The following HGFAC variants were observed in gnomAD, a reference collection of about 807,000 sequenced individuals.
HGFAC encodes HGF activator.
Under a neutral mutation model 70.6 loss-of-function variants are expected in HGFAC, and 76 were observed. The observed-to-expected ratio is 1.08, with a 90% CI of 0.89 to 1.30. The LOEUF is 1.30. Ranked by LOEUF, HGFAC falls within the 50% of genes most tolerant of loss-of-function variation. The pLI, the probability that HGFAC is intolerant of heterozygous loss-of-function variation, is 0.00. For missense variants in HGFAC, 1,044 were observed against 933.7 expected (o/e 1.12, Z -1.54); for synonymous variants, 464 against 405.3 (o/e 1.14, Z -1.74).
At chr4:3,442,210 C>A in intron 1 of HGFAC, 92 bp downstream of exon 1, 1 of 955,184 alleles carries the variant, frequency 1.0e-6, no homozygotes, top group Non-Finnish European at 1.5e-6. Context: ...CGCCACAGAG[C>A]GTGGGGATTT....
At position 3,446,238 on chromosome 4, in the gene HGFAC, C is replaced by T. The variant is rs185455355; in HGVS notation, c.1299C>T (p.Ala433=). Residue 433 remains alanine (A), a synonymous_variant, in exon 10 of 14, where the codon GCC becomes GCT. Coordinates refer to ENST00000382774, the MANE Select transcript of HGFAC (RefSeq NM_001528.4). ...AAIYIGDSFC[A]GSLVHTCWVV... ...TCTACATCGGGGACAGCTTCTGCGC[C>T]GGGAGCCTGGTCCACACCTGCTGGG... 21 of 1,610,734 alleles carry T rather than the reference C, an allele frequency of 1.3e-5. No homozygotes were observed. The East Asian group carries it at 1.8e-4, about 14-fold the overall frequency.
chr4:3,443,062 A>T lies in HGFAC; in HGVS notation c.311A>T (p.Asp104Val). The T allele has an allele frequency of 6.3e-7, 1 of 1,598,988 alleles. No homozygotes were observed. The highest frequency in any genetic ancestry group is 8.5e-7 in the Non-Finnish European group (1 of 1,178,406). The change falls in exon 3 of 14, where the codon GAC becomes GTC. Residue 104 changes from aspartate to valine, a missense_variant. Physicochemically the swap from Asp to Val is radical, Grantham distance 152. Transcript: ENST00000382774. ...SSPQAQALTE[D>V]GRPCRFPFRY... ...CCCCTCCCCACAGCACTCACCGAGG[A>T]CGGGAGGCCCTGCAGGTTCCCCTTC... is the stretch of plus-strand genomic sequence containing the variant.
rs115907907 is a variant in HGFAC at position 3,446,097 on chromosome 4, A to C, written c.1158A>C (p.Pro386=). The change falls in exon 10 of 14, where the codon CCA becomes CCC. Residue 386 remains proline (P), a synonymous_variant. Transcript: ENST00000382774. ...ATCTCCTGGCGACCCTGCCTGAGCCAGCCTCCCCGGGGCGCCAGGCCTGCG... is the reference window on the plus strand; with the variant it reads ...ATCTCCTGGCGACCCTGCCTGAGCCCGCCTCCCCGGGGCGCCAGGCCTGCG... ...SPDLLATLPE[P]ASPGRQACGR... 465 of 1,610,408 alleles carry C rather than the reference A, an allele frequency of 2.9e-4. 1 individual carries two copies. In the African/African-American group the frequency reaches 5.6e-3, roughly 19 times the overall value.
chr4:3,447,190 A>G (rs1304735223), intron 10 of HGFAC, among the ~76,000 whole-genome samples: 3 of 152,148 alleles, frequency 2.0e-5, no homozygotes, highest in African/African-American at 4.8e-5. Flanking sequence ...TCGGCCTTGC[A>G]GCCGATCCTG....
In HGFAC at chr4:3,446,086, C is replaced by T. The variant is rs371130576; in HGVS notation, c.1147C>T (p.Leu383=). 6.2e-7 allele frequency: 1 copy of T among 1,609,582 alleles called. No homozygotes were observed. Among genetic ancestry groups the T allele is most frequent in the African/African-American group, 1.3e-5 (1 of 74,810 alleles). The part of the protein sequence containing the change: ...VQLSPDLLAT[L]PEPASPGRQA... Reference sequence around the variant, plus strand: ...ACTGTCACCGGATCTCCTGGCGACCCTGCCTGAGCCAGCCTCCCCGGGGCG... The same window carrying T: ...ACTGTCACCGGATCTCCTGGCGACCTTGCCTGAGCCAGCCTCCCCGGGGCG... The change falls in exon 10 of 14, where the codon CTG becomes TTG. Residue 383 remains leucine (L), a synonymous_variant. Coordinates refer to ENST00000382774, the MANE Select transcript of HGFAC (RefSeq NM_001528.4).
chr4:3,443,073 T>C lies in HGFAC; in HGVS notation c.322T>C (p.Cys108Arg). 6.3e-7 allele frequency: 1 copy of C among 1,599,328 alleles called. No homozygotes were observed. The highest frequency in any genetic ancestry group is 1.1e-5 in the South Asian group (1 of 90,616). The stretch of plus-strand genomic sequence containing the variant: ...AGCACTCACCGAGGACGGGAGGCCC[T>C]GCAGGTTCCCCTTCCGCTACGGGGG... ...AQALTEDGRP[C>R]RFPFRYGGRM... The change falls in exon 3 of 14, where the codon TGC becomes CGC. Residue 108 changes from cysteine to arginine, a missense_variant. By Grantham distance (180) the Cys-to-Arg change is radical. Transcript: ENST00000382774.
intron 11 of HGFAC, 127 bp downstream of exon 11, chr4:3,447,758 G>A (rs1725566984): frequency 6.6e-7 from 1 of 1,521,304 alleles, no homozygotes; most frequent in Admixed American, 1.7e-5. Flanking sequence ...GGGCAGGGAG[G>A]ACAGGGCACC....
Position 3,447,533 on chromosome 4 carries a change from T to C in HGFAC, c.1397T>C (p.Phe466Ser). The change falls in exon 11 of 14, where the codon TTC becomes TCC. Residue 466 changes from phenylalanine (F) to serine (S), a missense_variant. Physicochemically the swap from Phe to Ser is radical, Grantham distance 155 (BLOSUM62 -2). Coordinates refer to ENST00000382774, the MANE Select transcript of HGFAC (RefSeq NM_001528.4). ...DSVSVVLGQH[F>S]FNRTTDVTQT... Reference sequence around the variant, plus strand: ...GTCTCCGTGGTGCTGGGCCAGCACTTCTTCAACCGCACGACGGACGTGACG... The same window carrying C: ...GTCTCCGTGGTGCTGGGCCAGCACTCCTTCAACCGCACGACGGACGTGACG... 1.2e-6 allele frequency: 2 copies of C among 1,612,628 alleles called. No individual in the cohort carries two copies. Among genetic ancestry groups the C allele is most frequent in the Non-Finnish European group, 1.7e-6 (2 of 1,179,902 alleles).
In HGFAC at chr4:3,444,029, A is replaced by G; in HGVS notation, c.476-10A>G. 6.3e-7 allele frequency: 1 copy of G among 1,576,796 alleles called. No homozygotes were observed. Among genetic ancestry groups the G allele is most frequent in the Non-Finnish European group, 8.6e-7 (1 of 1,165,732 alleles). ...GTCCGCCCCTCACACCCCCTCCCGC[A>G]TGTCCCCAGCTGCCCTGGATCCCTG... On this transcript the variant is annotated splice_polypyrimidine_tract_variant and intron_variant, in intron 4 of 13. Coordinates refer to ENST00000382774, the MANE Select transcript of HGFAC (RefSeq NM_001528.4).
At chr4:3,443,451 G>T (rs1320173964) in intron 4 of HGFAC, 31 bp downstream of exon 4, 1 of 1,380,184 alleles carries the variant, frequency 7.2e-7, no homozygotes, top group South Asian at 1.5e-5. Context: ...CCTGGGGCGG[G>T]CAGGGGGCAC....
chr4:3,442,201 G>T, intron 1 of HGFAC, 83 bp downstream of exon 1: 1 of 1,090,976 alleles, frequency 9.2e-7, no homozygotes, highest in Non-Finnish European at 1.3e-6. Context: ...AGGGAGGGTC[G>T]CCACAGAGCG....
At chr4:3,443,797 G>C (rs1220374294) in intron 4 of HGFAC, among the ~76,000 whole-genome samples, 1 of 152,090 alleles carries the variant, frequency 6.6e-6, no homozygotes, top group East Asian at 1.9e-4. Context: ...TGGGTGTCAG[G>C]CTTCCAGGAA....
In HGFAC at chr4:3,444,364, G is replaced by T. The variant is rs3748034; in HGVS notation, c.652G>T (p.Ala218Ser). ...GTACCTGGAGGGGGGCGACCGCTGG[G>T]CCCGCGTGCGCCAGGGCCACGTGGA... is the stretch of plus-strand genomic sequence containing the variant. ...YEYLEGGDRW[A>S]RVRQGHVEQC... Residue 218 changes from alanine (A) to serine (S), a missense_variant, in exon 6 of 14, where the codon GCC becomes TCC. Physicochemically the swap from Ala to Ser is moderately conservative, Grantham distance 99. Transcript: ENST00000382774. 0.14 allele frequency: 227,186 copies of T among 1,600,170 alleles called. 18,346 individuals are homozygous for T. Among genetic ancestry groups the T allele is most frequent in the East Asian group, 0.32 (14,313 of 44,226 alleles).
rs758825460 is a variant in HGFAC, at chr4:3,449,397, G to T, written c.1946G>T (p.Arg649Met). ...DWINDRIRPPRRLVAPS is the reference protein window; with the variant it reads ...DWINDRIRPPMRLVAPS ...ATCAACGACCGGATACGGCCTCCCA[G>T]GCGGCTTGTGGCTCCCTCCTGACCC... Residue 649 changes from arginine (R) to methionine (M), a missense_variant, in exon 14 of 14, where the codon AGG becomes ATG. Transcript: ENST00000382774. The T allele has an allele frequency of 6.4e-7, 1 of 1,565,206 alleles. No homozygotes were observed. The highest frequency in any genetic ancestry group is 8.7e-7 in the Non-Finnish European group (1 of 1,151,702).
chr4:3,448,397 C>A, intron 13 of HGFAC, 121 bp downstream of exon 13: 1 of 1,216,466 alleles, frequency 8.2e-7, no homozygotes, highest in Non-Finnish European at 1.1e-6. Flanking sequence ...GCAGGGCCAG[C>A]CAGGGACCCC....
intron 4 of HGFAC, among the ~76,000 whole-genome samples, chr4:3,443,723 G>A (rs1300948256): frequency 2.0e-5 from 3 of 152,138 alleles, no homozygotes; most frequent in South Asian, 2.1e-4. Flanking sequence ...TGTGGGGTGC[G>A]GTGCCAGCCG....
chr4:3,447,455 G>T (rs975239150), intron 10 of HGFAC, 37 bp from the exon 11 acceptor site: 1 of 1,609,556 alleles, frequency 6.2e-7, no homozygotes, highest in Non-Finnish European at 8.5e-7. Context: ...GGCTGGGGGA[G>T]GGCTGGTCCA....
chr4:3,442,334 G>A (rs997850980), intron 1 of HGFAC, among the ~76,000 whole-genome samples: 3 of 152,168 alleles, frequency 2.0e-5, no homozygotes, highest in African/African-American at 7.2e-5. Flanking sequence ...CCCCACCTGG[G>A]GGCTGTCATC....
chr4:3,449,401 G>A lies in HGFAC; in HGVS notation c.1950G>A (p.Arg650=), dbSNP rs752122227. The stretch of plus-strand genomic sequence containing the variant: ...ACGACCGGATACGGCCTCCCAGGCG[G>A]CTTGTGGCTCCCTCCTGACCCTCCA... ...WINDRIRPPR[R]LVAPS Residue 650 remains arginine, a synonymous_variant, in exon 14 of 14, where the codon CGG becomes CGA. Coordinates refer to ENST00000382774, the MANE Select transcript of HGFAC (RefSeq NM_001528.4). 1.3e-6 allele frequency: 2 copies of A among 1,563,072 alleles called. No homozygotes were observed. Among genetic ancestry groups the A allele is most frequent in the Non-Finnish European group, 1.7e-6 (2 of 1,150,662 alleles).
Sources: gnomAD v4.1 joint callset for allele counts (sites outside exome capture counted in the v4.1 genomes callset) on GRCh38, gnomAD v4.1.1 for gene constraint, MANE v1.5 for transcripts, NCBI Gene and HGNC (gene_info 2026-07-23, HGNC 2026-07-21) for gene names.